Variants in CROCC2 observed in about 807,000 individuals in gnomAD.
CROCC2 encodes the protein ciliary rootlet coiled-coil protein 2.
Under a neutral mutation model 177.6 loss-of-function variants are expected in CROCC2, and 163 were observed. That is an observed-to-expected ratio of 0.92 (90% CI 0.81 to 1.05). The LOEUF (loss-of-function observed/expected upper bound fraction) is 1.05, where lower values mean the gene tolerates loss of function less well. CROCC2 is among the 50% of genes least tolerant of loss of function. The pLI, the probability that CROCC2 is intolerant of heterozygous loss-of-function variation, is 0.00. For synonymous variants in CROCC2, 904 were observed against 787.3 expected (o/e 1.15, Z -2.48); for missense variants, 1,929 against 1,797.8 (o/e 1.07, Z -1.32).
At chr2:240,986,507 A>G (rs2059841758) in intron 28 of CROCC2, among the ~76,000 whole-genome samples, 1 of 152,228 alleles carries the variant, frequency 6.6e-6, no homozygotes. Flanking sequence ...CTGTAGGGAC[A>G]GGCCTGGAAA....
In CROCC2 at chr2:240,935,063, G is replaced by A; in HGVS notation, c.1938+1G>A. ...TGCCCTGAACCACCTGGCTCTCCAG[G>A]TGAGACAAGGGCCAGTGGGGCGGGC... is the stretch of plus-strand genomic sequence containing the variant. On this transcript the variant is annotated splice_donor_variant, in intron 13 of 31. Coordinates refer to ENST00000690015, the MANE Select transcript of CROCC2 (RefSeq NM_001351305.2). LOFTEE classifies it high-confidence loss of function. 1 of 1,362,862 alleles carries A rather than the reference G, an allele frequency of 7.3e-7. No homozygotes were observed. The highest frequency in any genetic ancestry group is 9.5e-7 in the Non-Finnish European group (1 of 1,050,624). 84.4% of individuals were successfully genotyped at this position (1,362,862 alleles called of 1,614,324 possible). A position where few individuals can be genotyped will look rare whatever the true frequency, so the allele number is the denominator to read the frequency against.
chr2:240,988,841 G>C lies in CROCC2; in HGVS notation c.4654G>C (p.Gly1552Arg). The C allele has an allele frequency of 2.7e-6, 4 of 1,497,662 alleles. No homozygotes were observed. The highest frequency in any genetic ancestry group is 3.6e-6 in the Non-Finnish European group (4 of 1,116,616). The allele number at this position is 1,497,662 out of a possible 1,614,324, so 92.8% of individuals were successfully genotyped here. Residue 1552 changes from glycine (G) to arginine (R), a missense_variant, in exon 29 of 32, where the codon GGA becomes CGA. This residue lies in a region of CROCC2 where 388 missense variants were observed against 352.7 expected (regional missense o/e 1.10). Transcript: ENST00000690015. ...SLNSLHQEVD[G>R]ALRQNQQLQA... is the part of the protein sequence containing the mutation. ...GAACAGCCTGCACCAGGAGGTGGAC[G>C]GAGCCCTGAGGCAAAATCAGCAGCT...
Position 240,973,452 on chromosome 2 carries a change from C to T in CROCC2, c.4401+5190C>T, listed in dbSNP as rs968092016. On this transcript the variant is annotated intron_variant, in intron 27 of 31. Transcript: ENST00000690015. The surrounding 1 kb of genome is among the most constrained non-coding windows in gnomAD (Gnocchi z 4.7). ...GCCCCCCATGCCACCCTTGGACTGGCGCCCAGTCACAGCCTCCGTGGCTCA... is the reference window on the plus strand; with the variant it reads ...GCCCCCCATGCCACCCTTGGACTGGTGCCCAGTCACAGCCTCCGTGGCTCA... 1.1e-4 allele frequency among the ~76,000 whole-genome samples: 16 copies of T among 152,046 alleles called. No individual in the cohort carries two copies. Among genetic ancestry groups the T allele is most frequent in the African/African-American group, 2.2e-4 (9 of 41,390 alleles).
chr2:240,920,513 TG>T (rs1450444482), intron 3 of CROCC2, among the ~76,000 whole-genome samples: 2 of 152,128 alleles, frequency 1.3e-5, no homozygotes, highest in Admixed American at 6.5e-5. Context: ...GGCACAAAGC[TG>T]GCACCTGCAC....
chr2:240,909,145 G>C (rs1321027380), intron 1 of CROCC2, among the ~76,000 whole-genome samples: 1 of 44,444 alleles, frequency 2.3e-5, no homozygotes. Context: ...CTCCACCTGG[G>C]GTGAGCTCTA....
intron 30 of CROCC2, among the ~76,000 whole-genome samples, chr2:240,990,266 G>T (rs2059868815): frequency 6.6e-6 from 1 of 152,236 alleles, no homozygotes; most frequent in Non-Finnish European, 1.5e-5. Flanking sequence ...GGCATCTGTG[G>T]GGATGAGGTG....
At chr2:240,948,299 G>A (rs755330768) in intron 15 of CROCC2, among the ~76,000 whole-genome samples, 2 of 152,090 alleles carry the variant, frequency 1.3e-5, no homozygotes, top group African/African-American at 2.4e-5. Context: ...GCTCTACCCC[G>A]ATGAAGGGGG....
At chr2:240,966,828 C>T (rs1366750591) in intron 25 of CROCC2, among the ~76,000 whole-genome samples, 2 of 152,168 alleles carry the variant, frequency 1.3e-5, no homozygotes, top group Non-Finnish European at 1.5e-5. Context: ...CAGAACCACC[C>T]GTGAGCGGCC....
intron 4 of CROCC2, among the ~76,000 whole-genome samples, chr2:240,923,481 TAACCCAG>T (rs2059371235): frequency 3.9e-5 from 1 of 25,562 alleles, no homozygotes; most frequent in East Asian, 2.1e-3. Flanking sequence ...CCCCCCACAC[TAACCCAG>T]CCCCCACACT....
Position 240,949,559 on chromosome 2 carries a change from T to C in CROCC2, c.2509T>C (p.Trp837Arg). The C allele has an allele frequency of 6.4e-7, 1 of 1,550,414 alleles. No individual in the cohort carries two copies. Residue 837 changes from tryptophan to arginine, a missense_variant, in exon 17 of 32, where the codon TGG becomes CGG. Transcript: ENST00000690015. This position sits in a 1 kb window ranked among gnomAD's most constrained non-coding sequence, Gnocchi z 4.5. The stretch of plus-strand genomic sequence containing the variant: ...GGAAATGGAGCAGCTACAAAGTGAC[T>C]GGGAGGTCCAGGAAATGAAGCTGCG... ...QVEMEQLQSD[W>R]EVQEMKLRQD...
At chr2:240,931,173 G>T (rs948720471) in intron 7 of CROCC2, 45 bp downstream of exon 7, 8 of 671,550 alleles carry the variant, frequency 1.2e-5, no homozygotes, top group Non-Finnish European at 2.2e-5. Context: ...GGGCCCGGGG[G>T]GTCGGGGCCC....
intron 27 of CROCC2, among the ~76,000 whole-genome samples, chr2:240,970,706 G>A (rs1051397806): frequency 2.6e-5 from 4 of 152,124 alleles, no homozygotes; most frequent in Non-Finnish European, 5.9e-5. Flanking sequence ...GCTCCCCAGG[G>A]GGGCTCTGGG....
chr2:240,993,032 C>G (rs763475292), intron 31 of CROCC2, 34 bp from the exon 32 acceptor site: 1 of 715,390 alleles, frequency 1.4e-6, no homozygotes, highest in African/African-American at 1.7e-5. Context: ...CCCGGGAATG[C>G]GGTGTCCACG....
Position 240,930,998 on chromosome 2 carries a change from C to T in CROCC2, c.817C>T (p.Leu273Phe). 2.8e-6 allele frequency: 2 copies of T among 716,202 alleles called. No homozygotes were observed. The highest frequency in any genetic ancestry group is 5.2e-6 in the Non-Finnish European group (2 of 384,844). The allele number at this position is 716,202 out of a possible 1,614,324, so 44.4% of individuals were successfully genotyped here. A position where few individuals can be genotyped will look rare whatever the true frequency, so the allele number is the denominator to read the frequency against. ...ARRLHTACLN[L>F]DSNLRLSASS... ...CCGCCTGCACACCGCCTGCCTGAAC[C>T]TCGACTCCAACCTGCGGCTGTCGGC... The change falls in exon 7 of 32, where the codon CTC becomes TTC. Residue 273 changes from leucine (L) to phenylalanine (F), a missense_variant. Leu to Phe is a conservative substitution (Grantham distance 22, BLOSUM62 0). Transcript: ENST00000690015.
intron 14 of CROCC2, among the ~76,000 whole-genome samples, chr2:240,938,924 C>T (rs1468612465): frequency 2.0e-5 from 3 of 151,954 alleles, no homozygotes; most frequent in African/African-American, 7.3e-5. Flanking sequence ...CTTATAAGTA[C>T]TAAGGTTGTA....
rs2059436759 is a variant in CROCC2 at position 240,932,278 on chromosome 2, G to C, written c.948-40G>C. On this transcript the variant is annotated intron_variant, in intron 7 of 31. Coordinates refer to ENST00000690015, the MANE Select transcript of CROCC2 (RefSeq NM_001351305.2). ...GGCATGCTTGGGTGCCCGTCCTCTG[G>C]GCCCTGCCCTTCACCCCCACACCCC... 5 of 692,410 alleles carry C rather than the reference G, an allele frequency of 7.2e-6. No homozygotes were observed. In the East Asian group the frequency reaches 8.1e-5, roughly 11 times the overall value. 42.9% of individuals were successfully genotyped at this position (692,410 alleles called of 1,614,324 possible). A position where few individuals can be genotyped will look rare whatever the true frequency, so the allele number is the denominator to read the frequency against.
chr2:240,920,218 G>C, intron 3 of CROCC2, 84 bp downstream of exon 3: 1 of 596,084 alleles, frequency 1.7e-6, no homozygotes, highest in Non-Finnish European at 3.0e-6. Context: ...ACGGCAGTCA[G>C]AGCCTGGGAC....
chr2:240,990,739 T>C (rs1038251151), intron 30 of CROCC2, among the ~76,000 whole-genome samples: 17 of 152,106 alleles, frequency 1.1e-4, no homozygotes, highest in Admixed American at 2.6e-4. Flanking sequence ...CCCACCACCA[T>C]GCCTGGCTAA....
intron 29 of CROCC2, among the ~76,000 whole-genome samples, chr2:240,989,219 A>G (rs7425272): frequency 0.72 from 109,291 of 151,998 alleles, 40,294 homozygotes; most frequent in East Asian, 0.92. Flanking sequence ...TAGGGCGAGG[A>G]AATCCCCTGA....
Sources: gnomAD v4.1 joint callset for allele counts (sites outside exome capture counted in the v4.1 genomes callset) on GRCh38, gnomAD v4.1.1 for gene constraint, gnomAD v4.1.1 regional missense constraint, Gnocchi (gnomAD v3.1) non-coding constraint, MANE v1.5 for transcripts, NCBI Gene and HGNC (gene_info 2026-07-23, HGNC 2026-07-21) for gene names.